FREM1: variants seen among roughly 807,000 people sequenced by gnomAD.
The protein encoded by FREM1 is FRAS1 related extracellular matrix 1.
FREM1 carries 220 observed loss-of-function variants against 210.1 expected under a neutral mutation model. The ratio of observed to expected loss-of-function variants is 1.05; its 90% confidence interval spans 0.94 to 1.17. FREM1 has a LOEUF of 1.17. Ranked by LOEUF, FREM1 falls within the 50% of genes most tolerant of loss-of-function variation. FREM1 has a pLI of 0.00. For synonymous variants in FREM1, 1,189 were observed against 980.2 expected (o/e 1.21, Z -3.98); for missense variants, 3,454 against 2,675.5 (o/e 1.29, Z -6.42).
In FREM1 at chr9:14,846,016, C is replaced by T. The variant is rs758564852; in HGVS notation, c.1337G>A (p.Gly446Asp). Residue 446 changes from glycine (G) to aspartate (D), a missense_variant, in exon 8 of 37, where the codon GGT becomes GAT. Gly to Asp is a moderately conservative substitution (Grantham distance 94). Coordinates refer to ENST00000380880, the MANE Select transcript of FREM1 (RefSeq NM_001379081.2). ...ACCAACGGTGACTAGCCGGACAGCA[C>T]CAATGTCGTCATTGTCGACAACCTG... is the stretch of plus-strand genomic sequence containing the variant. ...QFQVVDNDDIGAVRLVTVGGL... is the reference protein window; with the variant it reads ...QFQVVDNDDIDAVRLVTVGGL... 6.2e-7 allele frequency: 1 copy of T among 1,612,516 alleles called. No homozygotes were observed. Among genetic ancestry groups the T allele is most frequent in the South Asian group, 1.1e-5 (1 of 90,656 alleles).
At chr9:14,881,490 G>A (rs1342393167) in intron 1 of FREM1, among the ~76,000 whole-genome samples, 1 of 152,202 alleles carries the variant, frequency 6.6e-6, no homozygotes, top group Non-Finnish European at 1.5e-5. Flanking sequence ...ACTGACTTAA[G>A]AAAGGCAATG....
intron 5 of FREM1, among the ~76,000 whole-genome samples, chr9:14,854,962 T>C (rs1392907821): frequency 6.6e-6 from 1 of 152,116 alleles, no homozygotes; most frequent in Admixed American, 6.5e-5. Flanking sequence ...AGACTTAATA[T>C]TGTAAATGTT....
At chr9:14,779,195 C>T (rs1849241602) in intron 24 of FREM1, among the ~76,000 whole-genome samples, 1 of 152,164 alleles carries the variant, frequency 6.6e-6, no homozygotes, top group African/African-American at 2.4e-5. Flanking sequence ...ATATGTTTCA[C>T]ACCTCTCATT....
chr9:14,820,995 T>C (rs1255416434), intron 13 of FREM1, among the ~76,000 whole-genome samples: 3 of 152,190 alleles, frequency 2.0e-5, no homozygotes, highest in Non-Finnish European at 2.9e-5. Flanking sequence ...TTTTTAAATA[T>C]ATATTTTAGG....
intron 21 of FREM1, among the ~76,000 whole-genome samples, chr9:14,796,003 C>T (rs1216016799): frequency 6.6e-6 from 1 of 152,044 alleles, no homozygotes; most frequent in Admixed American, 6.6e-5. Context: ...TATACTAATC[C>T]AACATATTAG....
At position 14,868,540 on chromosome 9, in the gene FREM1, A is replaced by G. The variant is rs77972546; in HGVS notation, c.234+204T>C. Among the ~76,000 whole-genome samples, 2,343 of 152,334 alleles carry G rather than the reference A, an allele frequency of 0.015. 56 individuals carry two copies. Among genetic ancestry groups the G allele is most frequent in the African/African-American group, 0.051 (2,135 of 41,574 alleles). On this transcript the variant is annotated intron_variant, in intron 2 of 36. Transcript: ENST00000380880. ...CTGAAGTCAGCCAAGAATGTTTAAA[A>G]ATAGGTTTCACCTCACATAGAAAAG...
intron 10 of FREM1, among the ~76,000 whole-genome samples, chr9:14,837,103 C>G (rs138518720): frequency 3.9e-4 from 59 of 152,322 alleles, no homozygotes; most frequent in African/African-American, 1.4e-3. Context: ...CCCATATGCT[C>G]CTGGCAACAT....
At chr9:14,903,290 A>T (rs148494591) in intron 1 of FREM1, among the ~76,000 whole-genome samples, 44 of 152,354 alleles carry the variant, frequency 2.9e-4, no homozygotes, top group African/African-American at 1.0e-3. Flanking sequence ...TATTCTTAAG[A>T]TGAAGAAAAT....
At chr9:14,763,393 C>T (rs1845852602) in intron 27 of FREM1, among the ~76,000 whole-genome samples, 1 of 152,070 alleles carries the variant, frequency 6.6e-6, no homozygotes, top group Non-Finnish European at 1.5e-5. Flanking sequence ...TTAATGTGTT[C>T]ATCACAATAG....
chr9:14,796,596 G>A, intron 21 of FREM1, among the ~76,000 whole-genome samples: 1 of 152,176 alleles, frequency 6.6e-6, no homozygotes, highest in East Asian at 1.9e-4. Flanking sequence ...ATGTGTTGTG[G>A]GAGGGACCAG....
intron 25 of FREM1, among the ~76,000 whole-genome samples, chr9:14,773,391 G>C (rs1203300483): frequency 2.0e-5 from 3 of 152,150 alleles, no homozygotes; most frequent in Non-Finnish European, 4.4e-5. Context: ...AGACTTATTT[G>C]GGACAGTTTA....
At chr9:14,811,585 A>T (rs1281047719) in intron 16 of FREM1, among the ~76,000 whole-genome samples, 2 of 152,180 alleles carry the variant, frequency 1.3e-5, no homozygotes, top group Non-Finnish European at 2.9e-5. Context: ...TCCTAAGACT[A>T]AACACAGATA....
chr9:14,868,491 T>C (rs897016174), intron 2 of FREM1, among the ~76,000 whole-genome samples: 3 of 152,198 alleles, frequency 2.0e-5, no homozygotes, highest in African/African-American at 7.2e-5. Flanking sequence ...CAGGATTAAA[T>C]CCTGCTGGTT....
intron 27 of FREM1, 47 bp from the exon 28 acceptor site, chr9:14,759,948 CCTATAGGG>C: frequency 6.7e-7 from 1 of 1,498,956 alleles, no homozygotes; most frequent in Non-Finnish European, 9.0e-7. Flanking sequence ...ATAGTATATG[CCTATAGGG>C]ATTCTCTGCT....
At chr9:14,896,671 T>G (rs779596532) in intron 1 of FREM1, among the ~76,000 whole-genome samples, 4 of 152,140 alleles carry the variant, frequency 2.6e-5, no homozygotes, top group Non-Finnish European at 5.9e-5. Context: ...GCAGCCATTC[T>G]TTTATTCCTT....
At chr9:14,855,194 A>G (rs1263930961) in intron 5 of FREM1, among the ~76,000 whole-genome samples, 1 of 152,132 alleles carries the variant, frequency 6.6e-6, no homozygotes, top group Non-Finnish European at 1.5e-5. Flanking sequence ...TGAGACTGAC[A>G]AAGAATAAGT....
At chr9:14,886,037 T>A (rs190755072) in intron 1 of FREM1, among the ~76,000 whole-genome samples, 3 of 152,214 alleles carry the variant, frequency 2.0e-5, no homozygotes, top group African/African-American at 7.2e-5. Flanking sequence ...TACTCTCTAC[T>A]TCTATGAGAA....
Position 14,792,203 on chromosome 9 carries a change from T to C in FREM1, c.3981+540A>G, listed in dbSNP as rs530304164. Among the ~76,000 whole-genome samples the C allele has an allele frequency of 7.7e-4, 116 of 150,692 alleles. 1 individual carries two copies. Among genetic ancestry groups the C allele is most frequent in the African/African-American group, 2.7e-3 (110 of 40,896 alleles). On this transcript the variant is annotated intron_variant, in intron 22 of 36. Transcript: ENST00000380880. ...CTTGGACCTGATTATCATGAAAAAA[T>C]AATGAAAGTTTTCATTTTCCTGAGA...
intron 16 of FREM1, among the ~76,000 whole-genome samples, chr9:14,811,064 A>T (rs1164279272): frequency 6.6e-6 from 1 of 152,226 alleles, no homozygotes; most frequent in Non-Finnish European, 1.5e-5. Flanking sequence ...GTGATTCTTT[A>T]TCCTGATCTC....
Sources: gnomAD v4.1 joint callset for allele counts (sites outside exome capture counted in the v4.1 genomes callset) on GRCh38, gnomAD v4.1.1 for gene constraint, MANE v1.5 for transcripts, NCBI Gene and HGNC (gene_info 2026-07-23, HGNC 2026-07-21) for gene names.